The following RAD54L variants were observed in gnomAD, a reference collection of about 807,000 sequenced individuals.
RAD54L encodes RAD54 like, also known as DNA repair and recombination protein RAD54-like.
A neutral mutation model predicts 91.6 loss-of-function variants in RAD54L; 74 were observed. The ratio of observed to expected loss-of-function variants is 0.81; its 90% CI spans 0.67 to 0.98. The LOEUF (loss-of-function observed/expected upper bound fraction) is 0.98, where lower values mean the gene tolerates loss of function less well. Among genes scored for constraint, RAD54L ranks in the 50% least tolerant of loss-of-function variants. The pLI, the probability that RAD54L is intolerant of heterozygous loss-of-function variation, is 0.00. For synonymous variants in RAD54L, 304 were observed against 349.7 expected (o/e 0.87, Z 1.46); for missense variants, 887 against 945.7 (o/e 0.94, Z 0.81).
At chr1:46,276,854 G>A (rs1053305250) in intron 16 of RAD54L, among the ~76,000 whole-genome samples, 2 of 152,214 alleles carry the variant, frequency 1.3e-5, no homozygotes, top group Non-Finnish European at 2.9e-5. Context: ...AGGCTGGAGT[G>A]CAATGGCACC....
At chr1:46,274,738 CATA>C (rs1358414613) in intron 16 of RAD54L, 21 bp downstream of exon 16, 1 of 1,613,690 alleles carries the variant, frequency 6.2e-7, no homozygotes, top group South Asian at 1.1e-5. Context: ...TGATAGTAGT[CATA>C]GTAGGGGTGG....
chr1:46,257,537 C>T (rs972703249), intron 3 of RAD54L, among the ~76,000 whole-genome samples: 1 of 152,130 alleles, frequency 6.6e-6, no homozygotes, highest in East Asian at 1.9e-4. Flanking sequence ...GCCCCATAGC[C>T]CATGGAATAA....
intron 3 of RAD54L, among the ~76,000 whole-genome samples, chr1:46,257,176 A>G (rs1659967903): frequency 6.6e-6 from 1 of 151,942 alleles, no homozygotes; most frequent in Non-Finnish European, 1.5e-5. Flanking sequence ...CCAAAAAACA[A>G]ATAAAGTACA....
chr1:46,273,642 A>G lies in RAD54L; in HGVS notation c.1505A>G (p.Asp502Gly), dbSNP rs767085337. The change falls in exon 14 of 18, where the codon GAT becomes GGT. Residue 502 changes from aspartate to glycine, a missense_variant. Coordinates refer to ENST00000371975, the MANE Select transcript of RAD54L (RefSeq NM_003579.4). The stretch of plus-strand genomic sequence containing the variant: ...TTCCCAGGTAAGATGCTGGTCCTGG[A>G]TTATATTCTGGCGGTGACCCGAAGC... ...PQLSGKMLVL[D>G]YILAVTRSRS... 1.9e-6 allele frequency: 3 copies of G among 1,613,792 alleles called. No homozygotes were observed. Among genetic ancestry groups the G allele is most frequent in the Non-Finnish European group, 2.5e-6 (3 of 1,180,022 alleles).
chr1:46,255,405 A>G (rs927168659), intron 3 of RAD54L, among the ~76,000 whole-genome samples: 1 of 151,950 alleles, frequency 6.6e-6, no homozygotes, highest in Non-Finnish European at 1.5e-5. Context: ...AACTAAATGA[A>G]CAGAGAATAA....
Position 46,260,154 on chromosome 1 carries a change from C to T in RAD54L, c.407+55C>T, listed in dbSNP as rs1489121519. ...TTGGTTCTCTGTATATGCACGCATA[C>T]TTGGGAGGGCAGAGGGTATTTTGGT... On this transcript the variant is annotated intron_variant, in intron 5 of 17. Coordinates refer to ENST00000371975, the MANE Select transcript of RAD54L (RefSeq NM_003579.4). 5 of 1,607,490 alleles carry T rather than the reference C, an allele frequency of 3.1e-6. No individual in the cohort carries two copies. In the Admixed American group the frequency reaches 8.3e-5, roughly 27 times the overall value.
At chr1:46,249,863 A>G in intron 2 of RAD54L, 137 bp from the exon 3 acceptor site, 2 of 906,366 alleles carry the variant, frequency 2.2e-6, no homozygotes, top group East Asian at 2.6e-5. Flanking sequence ...TAGAGTTGCT[A>G]TGAAGATGAT....
At chr1:46,261,098 G>A (rs2148288822) in intron 7 of RAD54L, 83 bp downstream of exon 7, 2 of 1,558,758 alleles carry the variant, frequency 1.3e-6, no homozygotes, top group African/African-American at 1.4e-5. Flanking sequence ...TGGCCAGGGT[G>A]GAGGGCAATG....
At chr1:46,274,332 T>TTTAAAAAAACCCTAGTGG in intron 15 of RAD54L, 116 bp downstream of exon 15, 5 of 1,271,194 alleles carry the variant, frequency 3.9e-6, no homozygotes, top group Non-Finnish European at 5.7e-6. Flanking sequence ...CCCTAGTGGA[T>TTTAAAAAAACCCTAGTGG]ATAGTAGGAT....
chr1:46,274,145 T>C lies in RAD54L; in HGVS notation c.1618T>C (p.Tyr540His). 6.2e-7 allele frequency: 1 copy of C among 1,612,860 alleles called. No individual in the cohort carries two copies. The highest frequency in any genetic ancestry group is 8.5e-7 in the Non-Finnish European group (1 of 1,178,854). Residue 540 changes from tyrosine (Y) to histidine (H), a missense_variant, in exon 15 of 18, where the codon TAC (tyrosine) becomes CAC (histidine). Transcript: ENST00000371975. ...TCTCGAATCCCCCTTCAGGTACTTA[T>C]ACGTCCGCCTGGATGGCACGATGTC... is the stretch of plus-strand genomic sequence containing the variant. ...EKLCRARRYL[Y>H]VRLDGTMSIK...
chr1:46,256,906 G>A (rs1659956623), intron 3 of RAD54L, among the ~76,000 whole-genome samples: 1 of 152,126 alleles, frequency 6.6e-6, no homozygotes, highest in Non-Finnish European at 1.5e-5. Context: ...CACTTTGGGA[G>A]GCCAAGGTGG....
chr1:46,257,825 C>G (rs28363204), intron 3 of RAD54L, among the ~76,000 whole-genome samples: 3,960 of 152,200 alleles, frequency 0.026, 82 homozygotes, highest in Middle Eastern at 0.051. Flanking sequence ...CAAGTAAGGA[C>G]CCTAGAACCA....
rs1175728937 is a variant in RAD54L at position 46,278,271 on chromosome 1, G to A, written c.2233G>A (p.Gly745Ser). ...FHQRSHEEQRGLR is the reference protein window; with the variant it reads ...FHQRSHEEQRSLR ...CCAGCGTTCTCATGAGGAGCAGCGG[G>A]GCCTCCGCTGATAACCAGCTGGTCT... Residue 745 changes from glycine (G) to serine (S), a missense_variant, in exon 18 of 18, where the codon GGC (glycine) becomes AGC (serine). By Grantham distance (56) the Gly-to-Ser change is moderately conservative (BLOSUM62 0). Transcript: ENST00000371975. 1 of 1,612,508 alleles carries A rather than the reference G, an allele frequency of 6.2e-7. No homozygotes were observed. Among genetic ancestry groups the A allele is most frequent in the Non-Finnish European group, 8.5e-7 (1 of 1,179,524 alleles).
rs944371830 is a variant in RAD54L at position 46,274,590 on chromosome 1, A to G, written c.1742A>G (p.Asn581Ser). 1.1e-5 allele frequency: 18 copies of G among 1,613,586 alleles called. No homozygotes were observed. Among genetic ancestry groups the G allele is most frequent in the South Asian group, 1.1e-4 (10 of 91,044 alleles). ...AGCAAAGCTGGGGGCTGTGGCCTCA[A>G]TCTCATTGGGGCTAACCGGCTGGTC... ...LSSKAGGCGL[N>S]LIGANRLVMF... Residue 581 changes from asparagine (N) to serine (S), a missense_variant, in exon 16 of 18, where the codon AAT (asparagine) becomes AGT (serine). Transcript: ENST00000371975.
chr1:46,274,332 T>A, intron 15 of RAD54L, 116 bp downstream of exon 15: 1 of 1,271,194 alleles, frequency 7.9e-7, no homozygotes, highest in Non-Finnish European at 1.1e-6. Flanking sequence ...CCCTAGTGGA[T>A]ATAGTAGGAT....
rs543499254 is a variant in RAD54L, at chr1:46,270,491, C to CACTGCTTTGATACCTCTCTGATCTGTTAA, written c.1043-165_1043-137dup. ...TCTCACTTTTGGCCTTTCAAGTCTTCACTGCTTTGATACCTCTCTGATCTG... is the reference window on the plus strand; with the variant it reads ...TCTCACTTTTGGCCTTTCAAGTCTTCACTGCTTTGATACCTCTCTGATCTGTTAAACTGCTTTGATACCTCTCTGATCTG... On this transcript the variant is annotated intron_variant, in intron 9 of 17. Coordinates refer to ENST00000371975, the MANE Select transcript of RAD54L (RefSeq NM_003579.4). Among the ~76,000 whole-genome samples, 515 of 152,268 alleles carry CACTGCTTTGATACCTCTCTGATCTGTTAA rather than the reference C, an allele frequency of 3.4e-3. 3 individuals carry two copies. Among genetic ancestry groups the CACTGCTTTGATACCTCTCTGATCTGTTAA allele is most frequent in the East Asian group, 3.1e-3 (16 of 5,190 alleles).
At chr1:46,277,058 T>C (rs950269796) in intron 16 of RAD54L, among the ~76,000 whole-genome samples, 5 of 152,108 alleles carry the variant, frequency 3.3e-5, no homozygotes, top group African/African-American at 7.2e-5. Flanking sequence ...GCCTCCAAAA[T>C]TGCAGGGATT....
chr1:46,273,581 T>C (rs190162768), intron 13 of RAD54L, 43 bp from the exon 14 acceptor site: 110 of 1,612,542 alleles, frequency 6.8e-5, no homozygotes, highest in African/African-American at 5.7e-4. Context: ...GCCTGGGCCA[T>C]TGGGACAGCC....
intron 10 of RAD54L, 56 bp from the exon 11 acceptor site, chr1:46,272,410 A>G: frequency 2.1e-6 from 3 of 1,426,702 alleles, no homozygotes; most frequent in Non-Finnish European, 2.0e-6. Flanking sequence ...CTTTTATTCC[A>G]GTAGTTAGCA....
Sources: gnomAD v4.1 joint callset for allele counts (sites outside exome capture counted in the v4.1 genomes callset) on GRCh38, gnomAD v4.1.1 for gene constraint, MANE v1.5 for transcripts, NCBI Gene and HGNC (gene_info 2026-07-23, HGNC 2026-07-21) for gene names.